Variants in ATP6V0D1 observed in about 807,000 individuals in gnomAD.
ATP6V0D1 encodes the protein V-type proton ATPase subunit d 1.
A neutral mutation model predicts 39.0 loss-of-function variants in ATP6V0D1; 13 were observed. The ratio of observed to expected loss-of-function variants is 0.33; its 90% CI spans 0.22 to 0.53. The LOEUF (loss-of-function observed/expected upper bound fraction) is 0.53, where lower values mean the gene tolerates loss of function less well. Ranked by LOEUF, ATP6V0D1 falls within the 20% of genes least tolerant of loss-of-function variation. The pLI is 0.94. For synonymous variants in ATP6V0D1, 191 were observed against 191.2 expected, an observed-to-expected ratio of 1.00 and a Z score of 0.01; for missense variants, 272 against 470.9, an observed-to-expected ratio of 0.58 and a Z score of 3.91.
rs982811586 is a variant in ATP6V0D1, at chr16:67,438,324, G to A, written c.*204C>T. The A allele has an allele frequency of 2.1e-5, 13 of 631,918 alleles. No homozygotes were observed. The highest frequency in any genetic ancestry group is 3.5e-5 in the Non-Finnish European group (13 of 372,024). The allele number at this position is 631,918 out of a possible 1,614,324, so 39.1% of individuals were successfully genotyped here. A position where few individuals can be genotyped will look rare whatever the true frequency, so the allele number is the denominator to read the frequency against. On this transcript the variant is annotated 3_prime_UTR_variant, in exon 8 of 8. Coordinates refer to ENST00000290949, the MANE Select transcript of ATP6V0D1 (RefSeq NM_004691.5). ...GGTCTTCGTCCATCCTTGGTGGGGG[G>A]GGGTGCCCAGCCCCTTTTCAGGCCT...
At chr16:67,473,901 C>A (rs887203404) in intron 1 of ATP6V0D1, among the ~76,000 whole-genome samples, 1 of 152,104 alleles carries the variant, frequency 6.6e-6, no homozygotes, top group East Asian at 1.9e-4. Context: ...GTGATCCCCC[C>A]GACTCGGCCT....
At chr16:67,472,784 G>C (rs1269003941) in intron 1 of ATP6V0D1, among the ~76,000 whole-genome samples, 2 of 152,070 alleles carry the variant, frequency 1.3e-5, no homozygotes, top group Non-Finnish European at 2.9e-5. Flanking sequence ...GCAGGAGAAT[G>C]GCGTGAACCC....
intron 1 of ATP6V0D1, among the ~76,000 whole-genome samples, chr16:67,471,525 C>T (rs561576610): frequency 2.0e-5 from 3 of 152,202 alleles, no homozygotes; most frequent in Admixed American, 1.3e-4. Flanking sequence ...TCAAAATCCT[C>T]TCTTACAGCA....
At chr16:67,458,118 C>A (rs947362691) in intron 1 of ATP6V0D1, among the ~76,000 whole-genome samples, 1 of 152,194 alleles carries the variant, frequency 6.6e-6, no homozygotes, top group African/African-American at 2.4e-5. Context: ...CCACACAGGG[C>A]TTCTAAACCA....
At chr16:67,459,731 T>G (rs149943845) in intron 1 of ATP6V0D1, among the ~76,000 whole-genome samples, 1 of 152,232 alleles carries the variant, frequency 6.6e-6, no homozygotes, top group Non-Finnish European at 1.5e-5. Flanking sequence ...CAGGCTCAGA[T>G]GGCACACGGC....
rs1371532984 is a variant in ATP6V0D1, at chr16:67,458,589, AC to A, written c.131-4875del. ...GGTCTACCCACAAGCCCAGCTGTCT[AC>A]CCCAAATCCTCCCATCCATGGCCCA... On this transcript the variant is annotated intron_variant, in intron 1 of 7. Coordinates refer to ENST00000290949, the MANE Select transcript of ATP6V0D1 (RefSeq NM_004691.5). 2.0e-5 allele frequency among the ~76,000 whole-genome samples: 3 copies of A among 152,230 alleles called. No individual in the cohort carries two copies. In the East Asian group the frequency reaches 5.8e-4, roughly 29 times the overall value.
Position 67,438,977 on chromosome 16 carries a change from G to C in ATP6V0D1, c.810C>G (p.Tyr270Ter). Reference protein sequence around the residue: ...DYEQVKNVADYYPEYKLLFEG... With the variant: ...DYEQVKNVAD The stretch of plus-strand genomic sequence containing the variant: ...TGCCAGCCGGGGCACTCACCGGGTA[G>C]TAATCGGCCACGTTCTTGACCTGTT... The change falls in exon 6 of 8, where the codon TAC (tyrosine) becomes TAG (stop). Residue 270 changes from tyrosine (Y) to a stop codon, truncating the protein, a stop_gained. Coordinates refer to ENST00000290949, the MANE Select transcript of ATP6V0D1 (RefSeq NM_004691.5). LOFTEE classifies it high-confidence loss of function. The C allele has an allele frequency of 6.2e-7, 1 of 1,613,836 alleles. No individual in the cohort carries two copies. Among genetic ancestry groups the C allele is most frequent in the Non-Finnish European group, 8.5e-7 (1 of 1,179,884 alleles).
At chr16:67,438,736 G>A (rs1167126334) in intron 7 of ATP6V0D1, 47 bp from the exon 8 acceptor site, 21 of 1,614,082 alleles carry the variant, frequency 1.3e-5, no homozygotes, top group African/African-American at 2.7e-5. Flanking sequence ...TGGCCACAGA[G>A]TCAGGTCTAA....
chr16:67,452,318 C>T (rs2041190166), intron 2 of ATP6V0D1: 1 of 1,535,746 alleles, frequency 6.5e-7, no homozygotes, highest in Non-Finnish European at 8.7e-7. Flanking sequence ...CTAGCTTGGG[C>T]ATGTTCCCTG....
At chr16:67,450,374 C>CTT (rs2041164666) in intron 2 of ATP6V0D1, among the ~76,000 whole-genome samples, 1 of 152,084 alleles carries the variant, frequency 6.6e-6, no homozygotes, top group Non-Finnish European at 1.5e-5. Context: ...AATCGTGAGC[C>CTT]CCAGCCTGGG....
chr16:67,480,405 T>A (rs1041809139), intron 1 of ATP6V0D1, among the ~76,000 whole-genome samples: 1 of 152,050 alleles, frequency 6.6e-6, no homozygotes. Context: ...TCCCAAACAT[T>A]GCCTTCAGGA....
chr16:67,439,490 C>A, intron 4 of ATP6V0D1, 139 bp from the exon 5 acceptor site: 1 of 728,368 alleles, frequency 1.4e-6, no homozygotes, highest in South Asian at 1.7e-5. Context: ...TGGGCCGGGG[C>A]AGCCCTTACA....
intron 2 of ATP6V0D1, among the ~76,000 whole-genome samples, chr16:67,449,689 A>G (rs2041156360): frequency 6.6e-6 from 1 of 152,248 alleles, no homozygotes; most frequent in Non-Finnish European, 1.5e-5. Flanking sequence ...CAATGCTGTG[A>G]AGCCACCTGT....
chr16:67,473,885 G>C (rs530363320), intron 1 of ATP6V0D1, among the ~76,000 whole-genome samples: 2 of 152,196 alleles, frequency 1.3e-5, no homozygotes, highest in South Asian at 2.1e-4. Context: ...GTATCGAACT[G>C]ACCTTGTGAT....
Position 67,439,164 on chromosome 16 carries a change from C to T in ATP6V0D1, c.640-17G>A. On this transcript the variant is annotated splice_polypyrimidine_tract_variant and intron_variant, in intron 5 of 7. Coordinates refer to ENST00000290949, the MANE Select transcript of ATP6V0D1 (RefSeq NM_004691.5). ...TGCTTCAAACTGTGGAGCCAGTGCA[C>T]AGGTAAGAAGAGAGGGAGGAAGAAG... is the stretch of plus-strand genomic sequence containing the variant. 1 of 1,613,684 alleles carries T rather than the reference C, an allele frequency of 6.2e-7. No individual in the cohort carries two copies. Among genetic ancestry groups the T allele is most frequent in the Non-Finnish European group, 8.5e-7 (1 of 1,179,638 alleles).
chr16:67,462,937 G>A lies in ATP6V0D1; in HGVS notation c.131-9222C>T, dbSNP rs117854649. ...TTGATGCTGGGCTCCTGTTCCACAC[G>A]CACAGCCATCTTCAGAAGGACACGA... is the stretch of plus-strand genomic sequence containing the variant. On this transcript the variant is annotated intron_variant, in intron 1 of 7. Coordinates refer to ENST00000290949, the MANE Select transcript of ATP6V0D1 (RefSeq NM_004691.5). 5.2e-3 allele frequency among the ~76,000 whole-genome samples: 798 copies of A among 152,098 alleles called. 9 individuals are homozygous for A. Among genetic ancestry groups the A allele is most frequent in the African/African-American group, 0.018 (754 of 41,476 alleles).
At chr16:67,464,313 T>C (rs1314526324) in intron 1 of ATP6V0D1, among the ~76,000 whole-genome samples, 7 of 152,084 alleles carry the variant, frequency 4.6e-5, no homozygotes, top group South Asian at 2.1e-4. Flanking sequence ...AATGGAAGAA[T>C]AGATAAAGGG....
chr16:67,459,058 C>A (rs1029018623), intron 1 of ATP6V0D1: 5 of 985,680 alleles, frequency 5.1e-6, no homozygotes, highest in South Asian at 9.4e-5. Flanking sequence ...GCCTCTCCCC[C>A]ACAGCCTGTG....
At chr16:67,449,076 C>T (rs950675208) in intron 2 of ATP6V0D1, among the ~76,000 whole-genome samples, 2 of 152,226 alleles carry the variant, frequency 1.3e-5, no homozygotes, top group Non-Finnish European at 2.9e-5. Flanking sequence ...TGCTGACAGG[C>T]CCATTAGGCA....
Sources: gnomAD v4.1 joint callset for allele counts (sites outside exome capture counted in the v4.1 genomes callset) on GRCh38, gnomAD v4.1.1 for gene constraint, MANE v1.5 for transcripts, NCBI Gene and HGNC (gene_info 2026-07-23, HGNC 2026-07-21) for gene names.